LTBP1: variants seen among roughly 807,000 people sequenced by gnomAD.
LTBP1 encodes latent-transforming growth factor beta-binding protein 1.
A neutral mutation model predicts 207.6 loss-of-function variants in LTBP1; 129 were observed. That is an observed-to-expected ratio of 0.62 (90% confidence interval 0.54 to 0.72). The LOEUF (loss-of-function observed/expected upper bound fraction) is 0.72, where lower values mean the gene tolerates loss of function less well. LTBP1 is among the 30% of genes least tolerant of loss of function. LTBP1 has a pLI of 0.00. For synonymous variants in LTBP1, 963 were observed against 833.7 expected, an observed-to-expected ratio of 1.16 and a Z score of -2.67; for missense variants, 2,281 against 2,217.2, an observed-to-expected ratio of 1.03 and a Z score of -0.58.
intron 2 of LTBP1, among the ~76,000 whole-genome samples, chr2:32,988,711 T>G (rs1012077878): frequency 6.6e-6 from 1 of 152,234 alleles, no homozygotes. Context: ...GATCAGCCTT[T>G]CCCACCTTCC....
intron 3 of LTBP1, among the ~76,000 whole-genome samples, chr2:33,068,291 G>A (rs2077618675): frequency 6.6e-6 from 1 of 151,280 alleles, no homozygotes; most frequent in African/African-American, 2.4e-5. Context: ...ATTATTTTTC[G>A]ATAATTTTTA....
chr2:33,118,797 G>A (rs940397254), intron 4 of LTBP1, among the ~76,000 whole-genome samples: 1 of 152,176 alleles, frequency 6.6e-6, no homozygotes, highest in Non-Finnish European at 1.5e-5. Context: ...GGGGAGGATG[G>A]TATATCTGAG....
intron 4 of LTBP1, among the ~76,000 whole-genome samples, chr2:33,116,755 C>T (rs1186134956): frequency 6.7e-6 from 1 of 150,152 alleles, no homozygotes; most frequent in East Asian, 1.9e-4. Flanking sequence ...AAATGACTGG[C>T]ATTTCCAAAC....
At chr2:33,279,057 T>C (rs1321351524) in intron 18 of LTBP1, among the ~76,000 whole-genome samples, 30 of 152,220 alleles carry the variant, frequency 2.0e-4, no homozygotes, top group Admixed American at 2.0e-3. Flanking sequence ...TTTCTTTTTT[T>C]GTTTCTCTAG....
intron 31 of LTBP1, among the ~76,000 whole-genome samples, chr2:33,373,539 AC>A (rs1468116637): frequency 6.6e-6 from 1 of 152,204 alleles, no homozygotes; most frequent in Non-Finnish European, 1.5e-5. Context: ...AGAAAGGTAG[AC>A]TGTGCTATAG....
intron 24 of LTBP1, among the ~76,000 whole-genome samples, chr2:33,328,162 T>TAAATAAATAAAATA (rs61232623): frequency 1.4e-5 from 2 of 145,930 alleles, no homozygotes; most frequent in African/African-American, 5.5e-5. Flanking sequence ...AATAAATAAA[T>TAAATAAATAAAATA]AAATAAAATA....
intron 2 of LTBP1, among the ~76,000 whole-genome samples, chr2:32,962,955 C>T (rs940516707): frequency 3.9e-5 from 6 of 152,248 alleles, no homozygotes; most frequent in Non-Finnish European, 7.3e-5. Context: ...TAGCAGAACC[C>T]ATCTCCTCCT....
chr2:33,184,163 C>T (rs2086942974), intron 5 of LTBP1, among the ~76,000 whole-genome samples: 1 of 152,156 alleles, frequency 6.6e-6, no homozygotes, highest in African/African-American at 2.4e-5. Context: ...CACTGACTTT[C>T]CCACTCTACT....
intron 5 of LTBP1, among the ~76,000 whole-genome samples, chr2:33,140,750 C>G (rs1292940427): frequency 2.0e-5 from 3 of 151,166 alleles, no homozygotes; most frequent in African/African-American, 7.3e-5. Flanking sequence ...TCACTGCAAC[C>G]TCCGCCTTCC....
chr2:33,104,146 A>T, intron 3 of LTBP1, among the ~76,000 whole-genome samples: 1 of 152,136 alleles, frequency 6.6e-6, no homozygotes, highest in Admixed American at 6.5e-5. Context: ...AAATATGGAA[A>T]AGTTTAGTCT....
At chr2:33,371,999 T>A (rs1312636419) in intron 31 of LTBP1, among the ~76,000 whole-genome samples, 1 of 152,190 alleles carries the variant, frequency 6.6e-6, no homozygotes, top group Non-Finnish European at 1.5e-5. Context: ...AGCTCCATTA[T>A]CTGATAGAAA....
chr2:33,391,072 C>T (rs2095310613), intron 32 of LTBP1, among the ~76,000 whole-genome samples: 1 of 145,058 alleles, frequency 6.9e-6, no homozygotes, highest in Non-Finnish European at 1.5e-5. Context: ...TTCCCCTCCA[C>T]CTTTTTTTTT....
chr2:33,364,131 A>G (rs2094956902), intron 29 of LTBP1, 85 bp from the exon 30 acceptor site: 1 of 1,358,078 alleles, frequency 7.4e-7, no homozygotes, highest in Non-Finnish European at 1.0e-6. Flanking sequence ...TCTGGACTAA[A>G]TATAGCAATG....
chr2:33,289,075 T>A (rs533841995), intron 19 of LTBP1, among the ~76,000 whole-genome samples: 2 of 152,208 alleles, frequency 1.3e-5, no homozygotes, highest in Non-Finnish European at 2.9e-5. Context: ...AGTGATTAGA[T>A]GAGTAGACCA....
intron 31 of LTBP1, among the ~76,000 whole-genome samples, chr2:33,370,401 C>CA (rs1284257128): frequency 3.9e-5 from 6 of 152,080 alleles, no homozygotes; most frequent in African/African-American, 1.4e-4. Flanking sequence ...GGGAGCTTAT[C>CA]AAAAAACAGA....
intron 2 of LTBP1, among the ~76,000 whole-genome samples, chr2:32,994,490 G>C (rs1684942911): frequency 6.7e-6 from 1 of 150,150 alleles, no homozygotes; most frequent in African/African-American, 2.5e-5. Context: ...TTTTGAGATA[G>C]AGTTTCGCTC....
chr2:33,250,157 A>G (rs926772696), intron 10 of LTBP1, among the ~76,000 whole-genome samples: 1 of 152,232 alleles, frequency 6.6e-6, no homozygotes, highest in African/African-American at 2.4e-5. Flanking sequence ...AACAGAATGC[A>G]AGTCATTTGA....
At chr2:32,989,434 A>G (rs1468221626) in intron 2 of LTBP1, among the ~76,000 whole-genome samples, 1 of 152,232 alleles carries the variant, frequency 6.6e-6, no homozygotes, top group Non-Finnish European at 1.5e-5. Flanking sequence ...CTCAAAGGTA[A>G]TGAAAGGCAG....
chr2:33,022,477 T>C (rs924067825), intron 3 of LTBP1, among the ~76,000 whole-genome samples: 1 of 152,180 alleles, frequency 6.6e-6, no homozygotes, highest in Non-Finnish European at 1.5e-5. Flanking sequence ...AGGTACTCTT[T>C]TAAACACTTA....
Sources: allele counts gnomAD v4.1 joint callset (sites outside exome capture counted in the v4.1 genomes callset), GRCh38; gene constraint gnomAD v4.1.1; transcripts MANE v1.5; gene names NCBI Gene and HGNC (gene_info 2026-07-23, HGNC 2026-07-21).